The following VSTM2B variants were observed in gnomAD, a reference collection of about 807,000 sequenced individuals.
VSTM2B encodes the protein V-set and transmembrane domain-containing protein 2B.
A neutral mutation model predicts 24.0 loss-of-function variants in VSTM2B; 24 were observed. The observed-to-expected ratio is 1.00, with a 90% CI of 0.72 to 1.40. VSTM2B has a LOEUF of 1.40. VSTM2B is among the 40% of genes most tolerant of loss of function. The pLI, the probability that VSTM2B is intolerant of heterozygous loss-of-function variation, is 0.00. For missense variants in VSTM2B, 399 were observed against 416.4 expected (o/e 0.96, Z 0.36); for synonymous variants, 226 against 194.4 (o/e 1.16, Z -1.35).
chr19:29,530,407 C>T (rs1052600318), intron 4 of VSTM2B, 117 bp downstream of exon 4: 9 of 888,936 alleles, frequency 1.0e-5, no homozygotes, highest in African/African-American at 1.8e-5. Context: ...TTTGCATATG[C>T]ATACTCCTTC....
At chr19:29,560,645 C>T (rs1467975725) in intron 4 of VSTM2B, among the ~76,000 whole-genome samples, 1 of 152,222 alleles carries the variant, frequency 6.6e-6, no homozygotes, top group Non-Finnish European at 1.5e-5. Context: ...AGCCCCACTG[C>T]CACTGTAGCC....
intron 4 of VSTM2B, among the ~76,000 whole-genome samples, chr19:29,558,519 A>G (rs1970462006): frequency 6.6e-6 from 1 of 152,236 alleles, no homozygotes; most frequent in Admixed American, 6.5e-5. Context: ...ACCATAGAAT[A>G]CTATGCACCC....
At chr19:29,528,083 C>G (rs1180663713) in intron 2 of VSTM2B, among the ~76,000 whole-genome samples, 2 of 152,218 alleles carry the variant, frequency 1.3e-5, no homozygotes, top group East Asian at 3.8e-4. Context: ...TCACGGCTCC[C>G]AGTGAGCTGG....
At chr19:29,546,453 T>A (rs747593016) in intron 4 of VSTM2B, among the ~76,000 whole-genome samples, 8 of 150,918 alleles carry the variant, frequency 5.3e-5, no homozygotes, top group Non-Finnish European at 1.0e-4. Flanking sequence ...GGGCCTCACC[T>A]ATGAACGGGA....
At chr19:29,525,863 G>A (rs1260812454), upstream of VSTM2B, 1 of 150,884 alleles carries the variant, frequency 6.6e-6, no homozygotes, top group East Asian at 2.0e-4. Context: ...GGAGAGAGGG[G>A]GAGCGCTCTG....
chr19:29,541,138 G>A (rs1168899845), intron 4 of VSTM2B, among the ~76,000 whole-genome samples: 13 of 152,204 alleles, frequency 8.5e-5, no homozygotes, highest in Admixed American at 8.5e-4. Context: ...GTCAAACAGG[G>A]TCAAACTGTA....
chr19:29,527,688 G>C (rs1969619492), intron 2 of VSTM2B, among the ~76,000 whole-genome samples: 1 of 152,206 alleles, frequency 6.6e-6, no homozygotes, highest in South Asian at 2.1e-4. Flanking sequence ...CGCTGGCTGC[G>C]GCCCTCTGAT....
In VSTM2B at chr19:29,530,013, C is replaced by T; in HGVS notation, c.492C>T (p.Ser164=). Residue 164 remains serine, a synonymous_variant, in exon 4 of 5, where the codon TCC becomes TCT. Transcript: ENST00000335523. ...ACATGCAGGCCGCCGAGGCCGTGTC[C>T]CACATCCAGAGCAGCGGCCCGCGTC... The part of the protein sequence containing the change: ...PPNMQAAEAV[S]HIQSSGPRRH... 1 of 1,539,492 alleles carries T rather than the reference C, an allele frequency of 6.5e-7. No individual in the cohort carries two copies. Among genetic ancestry groups the T allele is most frequent in the Non-Finnish European group, 8.7e-7 (1 of 1,146,076 alleles).
intron 4 of VSTM2B, among the ~76,000 whole-genome samples, chr19:29,547,479 G>A (rs970357135): frequency 2.0e-5 from 3 of 152,198 alleles, no homozygotes; most frequent in Non-Finnish European, 2.9e-5. Context: ...TGCTTGACTG[G>A]TCTGGTCCCT....
chr19:29,563,253 T>TTC (rs1027694000), intron 4 of VSTM2B, among the ~76,000 whole-genome samples: 9 of 150,008 alleles, frequency 6.0e-5, no homozygotes, highest in Non-Finnish European at 1.2e-4. Context: ...ATATTGTCTT[T>TTC]TTTTTTTTTC....
chr19:29,540,177 G>C (rs541655518), intron 4 of VSTM2B, among the ~76,000 whole-genome samples: 5 of 152,380 alleles, frequency 3.3e-5, no homozygotes, highest in South Asian at 2.1e-4. Context: ...CAGTCCGAGT[G>C]GGGGGTGGGG....
intron 4 of VSTM2B, among the ~76,000 whole-genome samples, chr19:29,536,693 C>A (rs1969898670): frequency 6.6e-6 from 1 of 152,170 alleles, no homozygotes; most frequent in Non-Finnish European, 1.5e-5. Context: ...TAGCCAGAGC[C>A]CACACTCTCT....
intron 4 of VSTM2B, among the ~76,000 whole-genome samples, chr19:29,545,859 A>T (rs1970141841): frequency 6.6e-6 from 1 of 151,738 alleles, no homozygotes; most frequent in Non-Finnish European, 1.5e-5. Flanking sequence ...CTAAAATAAA[A>T]GTTGAAAAAA....
chr19:29,549,508 CA>C (rs1970224907), intron 4 of VSTM2B, among the ~76,000 whole-genome samples: 1 of 152,028 alleles, frequency 6.6e-6, no homozygotes, highest in Non-Finnish European at 1.5e-5. Flanking sequence ...ACGCTGGCTC[CA>C]GTACTGCCCC....
intron 4 of VSTM2B, among the ~76,000 whole-genome samples, chr19:29,543,485 G>A (rs1028652265): frequency 6.6e-6 from 1 of 152,096 alleles, no homozygotes; most frequent in Non-Finnish European, 1.5e-5. Flanking sequence ...TAATGGGAAA[G>A]GACTGCTGTT....
rs1000148578 is a variant in VSTM2B, at chr19:29,530,110, C to A, written c.589C>A (p.Arg197Ser). The change falls in exon 4 of 5, where the codon CGC (arginine) becomes AGC (serine). Residue 197 changes from arginine to serine, a missense_variant. Arg to Ser is a moderately radical substitution (Grantham distance 110). Transcript: ENST00000335523. ...AASRTTSEPGRGDKSPPPGSP... is the reference protein window; with the variant it reads ...AASRTTSEPGSGDKSPPPGSP... Reference sequence around the variant, plus strand: ...GAGCCGTACCACCTCCGAGCCCGGCCGCGGCGACAAGAGCCCGCCGCCCGG... The same window carrying A: ...GAGCCGTACCACCTCCGAGCCCGGCAGCGGCGACAAGAGCCCGCCGCCCGG... 2.8e-6 allele frequency: 4 copies of A among 1,446,608 alleles called. No individual in the cohort carries two copies. The African/African-American group carries it at 4.5e-5, about 16-fold the overall frequency. 89.6% of individuals were successfully genotyped at this position (1,446,608 alleles called of 1,614,324 possible).
At chr19:29,531,533 T>A (rs1969757684) in intron 4 of VSTM2B, among the ~76,000 whole-genome samples, 1 of 152,222 alleles carries the variant, frequency 6.6e-6, no homozygotes, top group Admixed American at 6.5e-5. Flanking sequence ...CAGTTGAGCC[T>A]GCAGTCTGCC....
chr19:29,529,611 A>C (rs1969679571), intron 3 of VSTM2B, among the ~76,000 whole-genome samples: 1 of 152,194 alleles, frequency 6.6e-6, no homozygotes. Flanking sequence ...ACACAGTCCA[A>C]AGAGCTGGCT....
At chr19:29,534,293 G>C (rs543758633) in intron 4 of VSTM2B, among the ~76,000 whole-genome samples, 2 of 152,138 alleles carry the variant, frequency 1.3e-5, no homozygotes, top group Non-Finnish European at 2.9e-5. Flanking sequence ...TCCCTGTCTG[G>C]GCCTCCCTTT....
Sources: allele counts gnomAD v4.1 joint callset (sites outside exome capture counted in the v4.1 genomes callset), GRCh38; gene constraint gnomAD v4.1.1; transcripts MANE v1.5; gene names NCBI Gene and HGNC (gene_info 2026-07-23, HGNC 2026-07-21).